The following ATAD2B variants were observed in gnomAD, a reference collection of about 807,000 sequenced individuals.
ATAD2B encodes the protein ATPase family AAA domain containing 2B, also known as ATPase family AAA domain-containing protein 2B.
Under a neutral mutation model 167.6 loss-of-function variants are expected in ATAD2B, and 40 were observed. That is an observed-to-expected ratio of 0.24 (90% CI 0.19 to 0.31). ATAD2B has a LOEUF of 0.31. Among genes scored for constraint, ATAD2B ranks in the 10% least tolerant of loss-of-function variants. The probability of loss-of-function intolerance (pLI) is 1.00; values close to 1 mark genes in which losing one functional copy is unlikely to be tolerated. For missense variants in ATAD2B, 1,242 were observed against 1,757.2 expected, an observed-to-expected ratio of 0.71 and a Z score of 5.24; for synonymous variants, 579 against 596.5, an observed-to-expected ratio of 0.97 and a Z score of 0.43.
chr2:23,901,165 C>A (rs984396790), intron 1 of ATAD2B: 22 of 159,892 alleles, frequency 1.4e-4, no homozygotes, highest in African/African-American at 5.1e-4. Flanking sequence ...TCTACGTACT[C>A]AAGTAATAAA....
At chr2:23,924,595 A>G (rs1009408783) in intron 1 of ATAD2B, among the ~76,000 whole-genome samples, 7 of 152,250 alleles carry the variant, frequency 4.6e-5, no homozygotes, top group Non-Finnish European at 8.8e-5. Context: ...CTTTCAGAGA[A>G]AGCAATTAGA....
chr2:23,880,854 CT>C, intron 6 of ATAD2B, 99 bp from the exon 7 acceptor site: 1 of 713,782 alleles, frequency 1.4e-6, no homozygotes, highest in East Asian at 2.8e-5. Context: ...ATCCATTACT[CT>C]TTCTGCACAG....
chr2:23,815,345 T>C (rs1686279165), intron 17 of ATAD2B, among the ~76,000 whole-genome samples: 1 of 152,152 alleles, frequency 6.6e-6, no homozygotes, highest in Non-Finnish European at 1.5e-5. Context: ...CAGAAAGACT[T>C]GGTCATTGAC....
intron 21 of ATAD2B, among the ~76,000 whole-genome samples, chr2:23,785,240 A>G (rs1367767890): frequency 6.6e-6 from 1 of 152,100 alleles, no homozygotes; most frequent in Non-Finnish European, 1.5e-5. Flanking sequence ...CCCATAATTC[A>G]TTTTTTTAAA....
chr2:23,898,839 C>T (rs1248930786), intron 1 of ATAD2B, among the ~76,000 whole-genome samples: 1 of 151,828 alleles, frequency 6.6e-6, no homozygotes, highest in Non-Finnish European at 1.5e-5. Context: ...CTTATCTCTA[C>T]AAAAAACTTA....
chr2:23,822,959 T>C (rs1663014553), intron 16 of ATAD2B, among the ~76,000 whole-genome samples: 2 of 147,628 alleles, frequency 1.4e-5, no homozygotes, highest in Admixed American at 6.8e-5. Context: ...TAAGTGATGA[T>C]TTAGGGGCTT....
At chr2:23,849,142 T>C (rs997673559) in intron 13 of ATAD2B, among the ~76,000 whole-genome samples, 6 of 152,078 alleles carry the variant, frequency 3.9e-5, no homozygotes, top group Admixed American at 1.3e-4. Context: ...AATAATTACA[T>C]TAAACATTGA....
intron 12 of ATAD2B, among the ~76,000 whole-genome samples, chr2:23,857,739 A>ATTTTTTT (rs34857462): frequency 7.5e-5 from 9 of 120,622 alleles, no homozygotes; most frequent in East Asian, 2.4e-4. Context: ...ACCAAAGTGT[A>ATTTTTTT]TTTTTTTTTT....
chr2:23,689,396 AC>A, the ATAD2B span: 1 of 152,134 alleles, frequency 6.6e-6, no homozygotes, highest in African/African-American at 2.4e-5. Flanking sequence ...GACAGGCAGC[AC>A]CCCTCAGGGC....
chr2:23,806,098 T>C (rs1257358049), intron 18 of ATAD2B: 1 of 152,172 alleles, frequency 6.6e-6, no homozygotes, highest in Non-Finnish European at 1.5e-5. Flanking sequence ...AATTCCTTCA[T>C]ATCTTTATGT....
chr2:23,775,385 T>C (rs1024082549), intron 22 of ATAD2B, among the ~76,000 whole-genome samples: 2 of 151,956 alleles, frequency 1.3e-5, no homozygotes, highest in Admixed American at 6.6e-5. Flanking sequence ...AGCTAATTTT[T>C]GTATTTTTAG....
At chr2:23,872,584 A>G in intron 8 of ATAD2B, 1 of 1,247,626 alleles carries the variant, frequency 8.0e-7, no homozygotes, top group Non-Finnish European at 1.2e-6. Context: ...TGAGGTCTGC[A>G]TGCCTGCGAT....
chr2:23,835,045 A>T (rs905106060), intron 13 of ATAD2B, among the ~76,000 whole-genome samples: 14 of 152,248 alleles, frequency 9.2e-5, no homozygotes, highest in African/African-American at 3.4e-4. Context: ...AATCAGACAG[A>T]TAATTAACAG....
intron 1 of ATAD2B, among the ~76,000 whole-genome samples, chr2:23,911,919 G>A (rs1442383332): frequency 6.7e-6 from 1 of 149,010 alleles, no homozygotes. Flanking sequence ...CGGTTGCAGT[G>A]AGCCAAGATC....
At chr2:23,688,074 C>T in the ATAD2B span, among the ~76,000 whole-genome samples, 1 of 152,152 alleles carries the variant, frequency 6.6e-6, no homozygotes, top group Admixed American at 6.5e-5. Flanking sequence ...GGTGGCAGCA[C>T]CTCGGTAGAG....
At chr2:23,683,491 T>C in the ATAD2B span, among the ~76,000 whole-genome samples, 2 of 152,196 alleles carry the variant, frequency 1.3e-5, no homozygotes, top group African/African-American at 4.8e-5. Context: ...ACAGGGTGAC[T>C]GGCAGGCTCT....
intron 1 of ATAD2B, among the ~76,000 whole-genome samples, chr2:23,915,834 G>A (rs1450111397): frequency 6.6e-6 from 1 of 151,540 alleles, no homozygotes; most frequent in African/African-American, 2.4e-5. Flanking sequence ...CTCATGATCC[G>A]CCTGCCTCAG....
intron 22 of ATAD2B, among the ~76,000 whole-genome samples, chr2:23,770,542 C>T (rs886420658): frequency 6.6e-6 from 1 of 152,146 alleles, no homozygotes; most frequent in Non-Finnish European, 1.5e-5. Flanking sequence ...CTTCTGCATA[C>T]AAAGTCTTTT....
chr2:23,734,333 A>G, the ATAD2B span, among the ~76,000 whole-genome samples: 2 of 151,750 alleles, frequency 1.3e-5, no homozygotes, highest in African/African-American at 2.4e-5. Context: ...ATTTTTTTGC[A>G]TTTTTTAGTA....
Sources: gnomAD v4.1 joint callset for allele counts (sites outside exome capture counted in the v4.1 genomes callset) on GRCh38, gnomAD v4.1.1 for gene constraint, MANE v1.5 for transcripts, NCBI Gene and HGNC (gene_info 2026-07-23, HGNC 2026-07-21) for gene names.